Variants in PKIA observed in about 807,000 individuals in gnomAD.
PKIA encodes the protein PKI-alpha.
In PKIA, 4 loss-of-function variants were observed where a neutral mutation model predicts 7.6. The observed-to-expected ratio is 0.52, with a 90% CI of 0.26 to 1.20. The LOEUF is 1.20. Among genes scored for constraint, PKIA ranks in the 50% most tolerant of loss-of-function variants. The pLI is 0.13. For missense variants in PKIA, 73 were observed against 86.2 expected (o/e 0.85, Z 0.61); for synonymous variants, 21 against 30.7 (o/e 0.68, Z 1.04).
At chr8:78,524,244 GTT>G (rs1454999976) in intron 1 of PKIA, among the ~76,000 whole-genome samples, 8 of 140,886 alleles carry the variant, frequency 5.7e-5, no homozygotes, top group African/African-American at 1.6e-4. Context: ...AAATATATAT[GTT>G]TTTATATATA....
At position 78,602,025 on chromosome 8, in the gene PKIA, T is replaced by C; in HGVS notation, c.*204T>C. ...CCCTACCTCTGTCATTAGCAATGGT[T>C]GAAATCATGTGGCTTGTGTTTGGGC... is the stretch of plus-strand genomic sequence containing the variant. On this transcript the variant is annotated 3_prime_UTR_variant, in exon 4 of 4. Transcript: ENST00000396418. The C allele has an allele frequency of 1.8e-6, 1 of 567,658 alleles. No individual in the cohort carries two copies. The highest frequency in any genetic ancestry group is 3.1e-6 in the Non-Finnish European group (1 of 319,544). The allele number at this position is 567,658 out of a possible 1,614,324, so 35.2% of individuals were successfully genotyped here.
intron 1 of PKIA, among the ~76,000 whole-genome samples, chr8:78,540,404 G>T (rs1806652497): frequency 6.6e-6 from 1 of 152,058 alleles, no homozygotes; most frequent in African/African-American, 2.4e-5. Context: ...TCTTATGATT[G>T]TGTGTATAAA....
At chr8:78,522,606 T>A (rs1299102900) in intron 1 of PKIA, among the ~76,000 whole-genome samples, 1 of 151,904 alleles carries the variant, frequency 6.6e-6, no homozygotes, top group Non-Finnish European at 1.5e-5. Flanking sequence ...TTCCAGTTCA[T>A]GGAGGAAAAA....
In PKIA at chr8:78,602,694, A is replaced by ATATATATATATATATATATAT. The variant is rs1563597433; in HGVS notation, c.*873_*874insTATATATATATATATATATAT. ...CTCAAGTGGAGAACTTCTCCCACATAATATATATATATATATATATTTTAA... is the reference window on the plus strand; with the variant it reads ...CTCAAGTGGAGAACTTCTCCCACATATATATATATATATATATATATATATATATATATATATATATTTTAA... On this transcript the variant is annotated 3_prime_UTR_variant, in exon 4 of 4. Coordinates refer to ENST00000396418, the MANE Select transcript of PKIA (RefSeq NM_006823.4). 1 of 136,954 alleles carries ATATATATATATATATATATAT rather than the reference A, an allele frequency of 7.3e-6. No individual in the cohort carries two copies. The highest frequency in any genetic ancestry group is 2.2e-4 in the South Asian group (1 of 4,514). 8.5% of individuals were successfully genotyped at this position (136,954 alleles called of 1,614,324 possible).
intron 1 of PKIA, among the ~76,000 whole-genome samples, chr8:78,570,674 T>C (rs1807524645): frequency 6.6e-6 from 1 of 152,162 alleles, no homozygotes; most frequent in Non-Finnish European, 1.5e-5. Flanking sequence ...TCCACACTCT[T>C]TCATACATAC....
chr8:78,539,897 T>A (rs1806632398), intron 1 of PKIA, among the ~76,000 whole-genome samples: 1 of 152,054 alleles, frequency 6.6e-6, no homozygotes, highest in Non-Finnish European at 1.5e-5. Flanking sequence ...CACCTACAGT[T>A]TTATGTGAGA....
intron 1 of PKIA, among the ~76,000 whole-genome samples, chr8:78,519,606 A>T (rs1809378179): frequency 6.6e-6 from 1 of 152,136 alleles, no homozygotes; most frequent in African/African-American, 2.4e-5. Flanking sequence ...TGACCTCTTA[A>T]TTGCCAGATT....
At chr8:78,519,974 A>G (rs562836977) in intron 1 of PKIA, among the ~76,000 whole-genome samples, 7 of 152,122 alleles carry the variant, frequency 4.6e-5, no homozygotes, top group African/African-American at 1.7e-4. Context: ...TTCCCATAGC[A>G]CATTCTATTT....
At chr8:78,548,551 C>G (rs1045371455) in intron 1 of PKIA, among the ~76,000 whole-genome samples, 16 of 152,222 alleles carry the variant, frequency 1.1e-4, no homozygotes, top group African/African-American at 3.4e-4. Flanking sequence ...ATACATCCAC[C>G]TCACGTAGAT....
chr8:78,583,567 G>C (rs1447710292), intron 2 of PKIA, among the ~76,000 whole-genome samples: 1 of 152,060 alleles, frequency 6.6e-6, no homozygotes, highest in Non-Finnish European at 1.5e-5. Flanking sequence ...GTTAAAAATT[G>C]GTGAGAGCAT....
At chr8:78,527,054 C>A (rs1806256406) in intron 1 of PKIA, among the ~76,000 whole-genome samples, 1 of 152,020 alleles carries the variant, frequency 6.6e-6, no homozygotes, top group Non-Finnish European at 1.5e-5. Context: ...TGAGCAAGAA[C>A]TGCAGCCAAA....
In PKIA at chr8:78,552,853, C is replaced by T. The variant is rs373408491; in HGVS notation, c.-156-19958C>T. 2.3e-4 allele frequency among the ~76,000 whole-genome samples: 35 copies of T among 151,968 alleles called. 2 individuals carry two copies. Among genetic ancestry groups the T allele is most frequent in the Admixed American group, 1.7e-3 (26 of 15,202 alleles). On this transcript the variant is annotated intron_variant, in intron 1 of 3. Coordinates refer to ENST00000396418, the MANE Select transcript of PKIA (RefSeq NM_006823.4). Reference sequence around the variant, plus strand: ...AGATTGTTTATCCAAGTTAGCTCAACAATGCATAATATCTCTATTTTGACC... The same window carrying T: ...AGATTGTTTATCCAAGTTAGCTCAATAATGCATAATATCTCTATTTTGACC...
At chr8:78,561,497 A>G (rs1273508137) in intron 1 of PKIA, among the ~76,000 whole-genome samples, 1 of 151,234 alleles carries the variant, frequency 6.6e-6, no homozygotes, top group Non-Finnish European at 1.5e-5. Context: ...AGCATATTTT[A>G]GTGACTCTCT....
chr8:78,578,492 T>A (rs1807728973), intron 2 of PKIA, among the ~76,000 whole-genome samples: 1 of 151,970 alleles, frequency 6.6e-6, no homozygotes, highest in Non-Finnish European at 1.5e-5. Flanking sequence ...TTTTCACATT[T>A]CCAGTTCCTA....
intron 1 of PKIA, among the ~76,000 whole-genome samples, chr8:78,569,430 C>T (rs1484860312): frequency 6.6e-6 from 1 of 152,050 alleles, no homozygotes; most frequent in Non-Finnish European, 1.5e-5. Context: ...TGTGAGTCAG[C>T]GTCCCTCTGT....
intron 1 of PKIA, among the ~76,000 whole-genome samples, chr8:78,541,289 G>A (rs180750461): frequency 1.3e-5 from 2 of 152,154 alleles, no homozygotes; most frequent in Non-Finnish European, 2.9e-5. Context: ...TGGCAATCTA[G>A]AATTCAGACC....
chr8:78,525,394 G>A (rs568719544), intron 1 of PKIA, among the ~76,000 whole-genome samples: 5 of 151,922 alleles, frequency 3.3e-5, no homozygotes, highest in South Asian at 2.1e-4. Flanking sequence ...GTGAGATAGT[G>A]GGCCTGTCAC....
intron 3 of PKIA, among the ~76,000 whole-genome samples, chr8:78,599,864 C>G (rs1337475314): frequency 6.6e-6 from 1 of 151,350 alleles, no homozygotes; most frequent in African/African-American, 2.4e-5. Flanking sequence ...TTAATTTCTT[C>G]TTTTTCTATT....
intron 1 of PKIA, among the ~76,000 whole-genome samples, chr8:78,523,569 C>T: frequency 6.6e-6 from 1 of 151,862 alleles, no homozygotes; most frequent in Non-Finnish European, 1.5e-5. Flanking sequence ...ACAGAAAAGT[C>T]AGTAATACCT....
Sources: gnomAD v4.1 joint callset for allele counts (sites outside exome capture counted in the v4.1 genomes callset) on GRCh38, gnomAD v4.1.1 for gene constraint, MANE v1.5 for transcripts, NCBI Gene and HGNC (gene_info 2026-07-23, HGNC 2026-07-21) for gene names.